RPRD1B: variants seen among roughly 807,000 people sequenced by gnomAD.
RPRD1B encodes regulation of nuclear pre-mRNA domain-containing protein 1B.
A neutral mutation model predicts 41.5 loss-of-function variants in RPRD1B; 11 were observed. The observed-to-expected ratio is 0.27, with a 90% CI of 0.17 to 0.44. RPRD1B has a LOEUF of 0.44. Among genes scored for constraint, RPRD1B ranks in the 20% least tolerant of loss-of-function variants. The pLI is 1.00. For synonymous variants in RPRD1B, 158 were observed against 155.6 expected (o/e 1.02, Z -0.12); for missense variants, 248 against 389.9 (o/e 0.64, Z 3.06).
chr20:38,043,944 A>G (rs1435989113), intron 2 of RPRD1B, among the ~76,000 whole-genome samples: 1 of 152,214 alleles, frequency 6.6e-6, no homozygotes, highest in Non-Finnish European at 1.5e-5. Context: ...TCTGAAGCTC[A>G]GTAGAGACTT....
At chr20:38,044,196 C>G (rs1427014916) in intron 2 of RPRD1B, among the ~76,000 whole-genome samples, 1 of 152,114 alleles carries the variant, frequency 6.6e-6, no homozygotes, top group Non-Finnish European at 1.5e-5. Flanking sequence ...TCCGAGTCCT[C>G]TCTCAGTGTT....
chr20:38,078,369 C>T (rs1349269745), intron 6 of RPRD1B, among the ~76,000 whole-genome samples: 1 of 152,166 alleles, frequency 6.6e-6, no homozygotes, highest in African/African-American at 2.4e-5. Context: ...TGTTTACTTT[C>T]CATCAGTTAT....
chr20:38,048,529 C>T lies in RPRD1B; in HGVS notation c.415+48C>T, dbSNP rs774862440. The stretch of plus-strand genomic sequence containing the variant: ...ACAGCTCTTGGTCTTTGCCTACTTT[C>T]GAATCAAATATGAAAAGCTGCAGTG... On this transcript the variant is annotated intron_variant, in intron 3 of 6. Transcript: ENST00000373433. 14 of 1,545,186 alleles carry T rather than the reference C, an allele frequency of 9.1e-6. No individual in the cohort carries two copies. The African/African-American group carries it at 9.6e-5, about 11-fold the overall frequency.
chr20:38,052,970 G>A (rs771073273), intron 3 of RPRD1B, among the ~76,000 whole-genome samples: 10 of 151,934 alleles, frequency 6.6e-5, no homozygotes, highest in African/African-American at 9.7e-5. Flanking sequence ...CTTAGGTAAC[G>A]AGGATTACTT....
At chr20:38,076,727 C>T (rs1192553294) in intron 6 of RPRD1B, among the ~76,000 whole-genome samples, 1 of 151,458 alleles carries the variant, frequency 6.6e-6, no homozygotes, top group East Asian at 1.9e-4. Flanking sequence ...CTCTTGGCTC[C>T]CTTTCTCTTT....
At chr20:38,038,752 C>T (rs971958380) in intron 1 of RPRD1B, among the ~76,000 whole-genome samples, 2 of 152,122 alleles carry the variant, frequency 1.3e-5, no homozygotes, top group African/African-American at 4.8e-5. Context: ...CCTGCCTTGG[C>T]CTCCCGGAGT....
intron 5 of RPRD1B, among the ~76,000 whole-genome samples, chr20:38,063,346 C>T (rs2074319955): frequency 6.6e-6 from 1 of 152,164 alleles, no homozygotes. Flanking sequence ...TATATTGATT[C>T]TCTTCCTACC....
intron 3 of RPRD1B, among the ~76,000 whole-genome samples, chr20:38,055,277 G>A (rs1430167676): frequency 6.6e-6 from 1 of 152,194 alleles, no homozygotes; most frequent in Non-Finnish European, 1.5e-5. Context: ...CTTATCAAGA[G>A]TAGTTTGAAC....
chr20:38,054,291 A>G (rs902092703), intron 3 of RPRD1B, among the ~76,000 whole-genome samples: 1 of 152,188 alleles, frequency 6.6e-6, no homozygotes, highest in African/African-American at 2.4e-5. Context: ...ATGTCCAGAA[A>G]TCTTATGTTT....
chr20:38,060,010 T>G (rs1414365433), intron 5 of RPRD1B, among the ~76,000 whole-genome samples: 1 of 152,170 alleles, frequency 6.6e-6, no homozygotes, highest in Non-Finnish European at 1.5e-5. Context: ...CCTCCCTAGT[T>G]AAACAGGGAG....
intron 3 of RPRD1B, among the ~76,000 whole-genome samples, chr20:38,052,969 C>T (rs957170340): frequency 6.6e-6 from 1 of 151,752 alleles, no homozygotes; most frequent in South Asian, 2.1e-4. Flanking sequence ...CCTTAGGTAA[C>T]GAGGATTACT....
chr20:38,080,504 C>T (rs531728412), intron 6 of RPRD1B, among the ~76,000 whole-genome samples: 1 of 152,276 alleles, frequency 6.6e-6, no homozygotes, highest in African/African-American at 2.4e-5. Context: ...AGATCAGATT[C>T]TTGTAGGTGT....
intron 2 of RPRD1B, among the ~76,000 whole-genome samples, chr20:38,043,762 C>T (rs1240680093): frequency 6.6e-6 from 1 of 152,106 alleles, no homozygotes; most frequent in African/African-American, 2.4e-5. Context: ...AAATCAAAGA[C>T]GATTTCTAGG....
Position 38,033,805 on chromosome 20 carries a change from T to G in RPRD1B, c.-143T>G, listed in dbSNP as rs1052471643. ...GCTGTTACTGCGGAGACCCATCCCC[T>G]CCCCCTTCTCGCACCCCTGGCAGTC... On this transcript the variant is annotated 5_prime_UTR_variant, in exon 1 of 7. Coordinates refer to ENST00000373433, the MANE Select transcript of RPRD1B (RefSeq NM_021215.4). The G allele has an allele frequency of 2.6e-6, 2 of 781,768 alleles. No homozygotes were observed. The highest frequency in any genetic ancestry group is 3.5e-5 in the African/African-American group (2 of 56,426). 48.4% of individuals were successfully genotyped at this position (781,768 alleles called of 1,614,324 possible). A position where few individuals can be genotyped will look rare whatever the true frequency, so the allele number is the denominator to read the frequency against.
chr20:38,053,015 A>G (rs2074203911), intron 3 of RPRD1B, among the ~76,000 whole-genome samples: 1 of 152,260 alleles, frequency 6.6e-6, no homozygotes, highest in South Asian at 2.1e-4. Context: ...CTGGAGACAC[A>G]GGGACAAGTT....
At position 38,033,968 on chromosome 20, in the gene RPRD1B, G is replaced by A; in HGVS notation, c.21G>A (p.Ser7=). MSSFSE[S]ALEKKLSELS... ...CCACCATGTCCTCCTTCTCTGAGTC[G>A]GCGCTGGAGAAGAAGCTCTCGGAGC... The change falls in exon 1 of 7, where the codon TCG becomes TCA. Residue 7 remains serine (S), a synonymous_variant. Coordinates refer to ENST00000373433, the MANE Select transcript of RPRD1B (RefSeq NM_021215.4). The A allele has an allele frequency of 6.2e-7, 1 of 1,612,536 alleles. No individual in the cohort carries two copies. Among genetic ancestry groups the A allele is most frequent in the Non-Finnish European group, 8.5e-7 (1 of 1,179,088 alleles).
Position 38,066,662 on chromosome 20 carries a change from C to CT in RPRD1B, c.831+417dup, listed in dbSNP as rs533942546. Among the ~76,000 whole-genome samples, 257 of 147,810 alleles carry CT rather than the reference C, an allele frequency of 1.7e-3. 2 individuals carry two copies. Among genetic ancestry groups the CT allele is most frequent in the African/African-American group, 4.3e-3 (173 of 40,568 alleles). ...TTTCAAGTCATTTGGAGGTTTATTT[C>CT]TTTTTTTTTTTGAGACGCAGTCTCG... On this transcript the variant is annotated intron_variant, in intron 6 of 6. Transcript: ENST00000373433.
intron 1 of RPRD1B, among the ~76,000 whole-genome samples, chr20:38,038,476 AT>A (rs1287729946): frequency 5.8e-5 from 5 of 85,774 alleles, no homozygotes; most frequent in Non-Finnish European, 9.1e-5. Flanking sequence ...CGCCCGGCTG[AT>A]TTTTTTTGTT....
intron 2 of RPRD1B, among the ~76,000 whole-genome samples, chr20:38,046,113 A>G (rs937541961): frequency 2.0e-5 from 3 of 152,234 alleles, no homozygotes; most frequent in Non-Finnish European, 4.4e-5. Flanking sequence ...GCACATGCAC[A>G]TGAGAGAACA....
Sources: allele counts gnomAD v4.1 joint callset (sites outside exome capture counted in the v4.1 genomes callset), GRCh38; gene constraint gnomAD v4.1.1; transcripts MANE v1.5; gene names NCBI Gene and HGNC (gene_info 2026-07-23, HGNC 2026-07-21).